IL34: variants seen among roughly 807,000 people sequenced by gnomAD.
IL34 encodes interleukin 34.
A neutral mutation model predicts 25.3 loss-of-function variants in IL34; 17 were observed. That is an observed-to-expected ratio of 0.67 (90% confidence interval 0.46 to 1.01). IL34 has a LOEUF of 1.01. IL34 is among the 50% of genes least tolerant of loss of function. The pLI is 0.00. For missense variants in IL34, 368 were observed against 312.9 expected, an observed-to-expected ratio of 1.18 and a Z score of -1.33; for synonymous variants, 174 against 140.9, an observed-to-expected ratio of 1.23 and a Z score of -1.66.
intron 1 of IL34, among the ~76,000 whole-genome samples, chr16:70,631,321 AT>A (rs2051513055): frequency 6.6e-6 from 1 of 152,114 alleles, no homozygotes; most frequent in Non-Finnish European, 1.5e-5. Context: ...GCAGTAAATT[AT>A]TGGTTTGATT....
intron 1 of IL34, among the ~76,000 whole-genome samples, chr16:70,647,742 G>T (rs1234693108): frequency 6.6e-6 from 1 of 152,186 alleles, no homozygotes; most frequent in Admixed American, 6.5e-5. Flanking sequence ...TGGAGGTTTG[G>T]GGTATGAGCC....
At chr16:70,641,274 AAAC>A (rs33927526) in intron 1 of IL34, among the ~76,000 whole-genome samples, 11 of 151,290 alleles carry the variant, frequency 7.3e-5, no homozygotes, top group Non-Finnish European at 1.3e-4. Flanking sequence ...CTTCATCTCA[AAAC>A]AACAACAAGA....
At chr16:70,644,764 AAGG>A (rs764283562), upstream of IL34, among the ~76,000 whole-genome samples, 192 of 123,000 alleles carry the variant, frequency 1.6e-3, no homozygotes, top group Non-Finnish European at 2.4e-3. Context: ...GAGGGAGGAA[AAGG>A]AGGAGGGAGG....
chr16:70,659,432 C>G (rs1331206861), intron 4 of IL34, among the ~76,000 whole-genome samples, 186 bp from the exon 5 acceptor site: 2 of 152,190 alleles, frequency 1.3e-5, no homozygotes, highest in Non-Finnish European at 2.9e-5. Flanking sequence ...TGAGTGGTGG[C>G]ATCTGGGACC....
intron 1 of IL34, 85 bp downstream of exon 1, chr16:70,647,060 A>T: frequency 8.2e-7 from 1 of 1,212,454 alleles, no homozygotes; most frequent in Non-Finnish European, 1.1e-6. Flanking sequence ...CAACCAGGGC[A>T]TTCTTGCTGG....
At chr16:70,631,944 AC>A in intron 1 of IL34, among the ~76,000 whole-genome samples, 1 of 151,876 alleles carries the variant, frequency 6.6e-6, no homozygotes, top group Admixed American at 6.6e-5. Context: ...AAATTATAAT[AC>A]AAAAAATTAG....
At chr16:70,580,958 C>T (rs898246439) in intron 1 of IL34, among the ~76,000 whole-genome samples, 1 of 150,994 alleles carries the variant, frequency 6.6e-6, no homozygotes, top group Non-Finnish European at 1.5e-5. Context: ...GTCGACCAGG[C>T]TGGAGTGCAG....
intron 1 of IL34, among the ~76,000 whole-genome samples, chr16:70,613,105 C>T (rs2051115597): frequency 6.6e-6 from 1 of 152,222 alleles, no homozygotes; most frequent in Non-Finnish European, 1.5e-5. Flanking sequence ...TGCATGTCGT[C>T]TTCTTCAGGT....
At chr16:70,659,946 G>T (rs1237202072) in intron 5 of IL34, 51 bp from the exon 6 acceptor site, 1 of 1,517,564 alleles carries the variant, frequency 6.6e-7, no homozygotes, top group Admixed American at 2.1e-5. Flanking sequence ...AGTGGGGAGG[G>T]TGGTCTTGAA....
At position 70,614,023 on chromosome 16, in the gene IL34, T is replaced by TA. The variant is rs879515402; in HGVS notation, c.-400-32514dup. Reference sequence around the variant, plus strand: ...GGCAATACAACAAGGCTTTGTCTCTTAAAAAAAAAAATTATCCAGGCGTGG... The same window carrying TA: ...GGCAATACAACAAGGCTTTGTCTCTTAAAAAAAAAAAATTATCCAGGCGTGG... On this transcript the variant is annotated intron_variant, in intron 1 of 6. Coordinates refer to the IL34 transcript ENST00000429149. Among the ~76,000 whole-genome samples the TA allele has an allele frequency of 8.3e-3, 1,213 of 146,768 alleles. 16 individuals carry two copies. The highest frequency in any genetic ancestry group is 0.024 in the African/African-American group (951 of 40,092).
chr16:70,620,962 G>A (rs1477337050), intron 1 of IL34, among the ~76,000 whole-genome samples: 2 of 152,132 alleles, frequency 1.3e-5, no homozygotes, highest in African/African-American at 4.8e-5. Flanking sequence ...GTAGAGACAC[G>A]GAGAAGGGGT....
At chr16:70,580,611 T>A (rs2032812856) in intron 1 of IL34, among the ~76,000 whole-genome samples, 1 of 151,926 alleles carries the variant, frequency 6.6e-6, no homozygotes, top group African/African-American at 2.4e-5. Context: ...TGAAACCCTG[T>A]CTCTACTAAA....
At chr16:70,628,492 TA>T (rs1159154751) in intron 1 of IL34, among the ~76,000 whole-genome samples, 31 of 151,344 alleles carry the variant, frequency 2.0e-4, no homozygotes, top group South Asian at 4.2e-4. Context: ...TTTATTTATT[TA>T]TTTTTTTTTT....
chr16:70,582,164 G>A (rs2050642772), intron 1 of IL34, among the ~76,000 whole-genome samples: 1 of 152,256 alleles, frequency 6.6e-6, no homozygotes, highest in Admixed American at 6.5e-5. Flanking sequence ...TTCATTGCCT[G>A]TTTGAGGATA....
chr16:70,600,779 CAG>C (rs200756284), intron 1 of IL34, among the ~76,000 whole-genome samples: 7 of 152,018 alleles, frequency 4.6e-5, no homozygotes, highest in Non-Finnish European at 7.4e-5. Flanking sequence ...TTGGGAGAAA[CAG>C]GGAATGCTGG....
chr16:70,656,921 C>T, intron 3 of IL34, 39 bp from the exon 4 acceptor site: 7 of 1,583,310 alleles, frequency 4.4e-6, no homozygotes, highest in Non-Finnish European at 6.0e-6. Flanking sequence ...CCCAGAGGCC[C>T]ATGTCTCCCG....
At chr16:70,633,026 A>G (rs1207125062) in intron 1 of IL34, among the ~76,000 whole-genome samples, 1 of 152,324 alleles carries the variant, frequency 6.6e-6, no homozygotes, top group South Asian at 2.1e-4. Context: ...GTGCAGAGGC[A>G]CAACCATGGC....
intron 1 of IL34, among the ~76,000 whole-genome samples, chr16:70,600,462 C>T (rs1267641166): frequency 6.6e-6 from 1 of 152,210 alleles, no homozygotes; most frequent in Non-Finnish European, 1.5e-5. Flanking sequence ...CAAACATTGA[C>T]AGAACACAGC....
chr16:70,647,015 C>T, intron 1 of IL34, 40 bp downstream of exon 1: 2 of 1,432,350 alleles, frequency 1.4e-6, no homozygotes, highest in Non-Finnish European at 1.8e-6. Context: ...CATTGGGAGG[C>T]CTTGGCCTAG....
Sources: gnomAD v4.1 joint callset for allele counts (sites outside exome capture counted in the v4.1 genomes callset) on GRCh38, gnomAD v4.1.1 for gene constraint, MANE v1.5 for transcripts, NCBI Gene and HGNC (gene_info 2026-07-23, HGNC 2026-07-21) for gene names.